Variants in SGCZ observed in about 807,000 individuals in gnomAD.
The protein encoded by SGCZ is zeta-sarcoglycan.
Under a neutral mutation model 41.3 loss-of-function variants are expected in SGCZ, and 40 were observed. The observed-to-expected ratio is 0.97, with a 90% confidence interval of 0.75 to 1.26. The LOEUF is 1.26. Ranked by LOEUF, SGCZ falls within the 50% of genes most tolerant of loss-of-function variation. SGCZ has a pLI of 0.00. For missense variants in SGCZ, 552 were observed against 369.8 expected, an observed-to-expected ratio of 1.49 and a Z score of -4.04; for synonymous variants, 206 against 137.5, an observed-to-expected ratio of 1.50 and a Z score of -3.49.
intron 4 of SGCZ, among the ~76,000 whole-genome samples, chr8:14,233,164 C>G (rs1806633032): frequency 2.0e-5 from 3 of 152,108 alleles, no homozygotes; most frequent in Admixed American, 6.5e-5. Flanking sequence ...AATTTATCCT[C>G]CTTTCATTTT....
chr8:14,191,878 T>G (rs1805114281), intron 4 of SGCZ, among the ~76,000 whole-genome samples: 2 of 152,116 alleles, frequency 1.3e-5, no homozygotes, highest in Non-Finnish European at 2.9e-5. Context: ...TCCTGTAGGA[T>G]TCCTCAACCT....
intron 4 of SGCZ, among the ~76,000 whole-genome samples, chr8:14,179,397 C>T (rs1221835995): frequency 6.6e-6 from 1 of 152,166 alleles, no homozygotes. Flanking sequence ...GCAGAAGATT[C>T]ACAAGACCAG....
chr8:15,212,142 C>G lies in SGCZ; in HGVS notation c.39+25443G>C, dbSNP rs80271478. Among the ~76,000 whole-genome samples, 1,100 of 152,176 alleles carry G rather than the reference C, an allele frequency of 7.2e-3. 20 individuals are homozygous for G. The highest frequency in any genetic ancestry group is 0.043 in the East Asian group (222 of 5,158). On this transcript the variant is annotated intron_variant, in intron 1 of 7. Transcript: ENST00000382080. Reference sequence around the variant, plus strand: ...AACGACTGCATGGATGCCTAAATAACAATATGTTCAAAATTAGTTCTAGGT... The same window carrying G: ...AACGACTGCATGGATGCCTAAATAAGAATATGTTCAAAATTAGTTCTAGGT...
rs528742484 is a variant in SGCZ at position 14,614,111 on chromosome 8, A to T, written c.40-59185T>A. 2.6e-3 allele frequency among the ~76,000 whole-genome samples: 398 copies of T among 152,274 alleles called. 1 individual carries two copies. Among genetic ancestry groups the T allele is most frequent in the Middle Eastern group, 0.014 (4 of 294 alleles). On this transcript the variant is annotated intron_variant, in intron 1 of 7. Coordinates refer to ENST00000382080, the MANE Select transcript of SGCZ (RefSeq NM_139167.4). ...CACTAGATTTAATCCTTCAGATTACATTACACTAAATTATGTCATCCAGAA... is the reference window on the plus strand; with the variant it reads ...CACTAGATTTAATCCTTCAGATTACTTTACACTAAATTATGTCATCCAGAA...
chr8:14,597,421 G>C (rs1805449009), intron 1 of SGCZ, among the ~76,000 whole-genome samples: 1 of 152,118 alleles, frequency 6.6e-6, no homozygotes, highest in African/African-American at 2.4e-5. Context: ...ATAGACACAA[G>C]TCTCTTTTCA....
chr8:14,988,311 C>T (rs1447677668), intron 1 of SGCZ, among the ~76,000 whole-genome samples: 1 of 151,942 alleles, frequency 6.6e-6, no homozygotes, highest in Non-Finnish European at 1.5e-5. Context: ...AAGTCACCCA[C>T]ATTCCCCATC....
chr8:14,636,985 A>C (rs1357430442), intron 1 of SGCZ, among the ~76,000 whole-genome samples: 4 of 151,892 alleles, frequency 2.6e-5, no homozygotes, highest in African/African-American at 9.7e-5. Context: ...TCTGTTTTCC[A>C]AAACACGACT....
chr8:14,247,922 T>C (rs1251574496), intron 3 of SGCZ, among the ~76,000 whole-genome samples: 5 of 152,158 alleles, frequency 3.3e-5, no homozygotes, highest in African/African-American at 1.2e-4. Flanking sequence ...GAAAGAAATG[T>C]ACAGCATATG....
intron 1 of SGCZ, among the ~76,000 whole-genome samples, chr8:14,923,754 T>C (rs1225301640): frequency 6.6e-6 from 1 of 152,236 alleles, no homozygotes; most frequent in Non-Finnish European, 1.5e-5. Context: ...TTGTTTATTT[T>C]TTAAATTCAT....
At chr8:14,227,285 T>C (rs146193919) in intron 4 of SGCZ, among the ~76,000 whole-genome samples, 2 of 152,068 alleles carry the variant, frequency 1.3e-5, no homozygotes, top group Admixed American at 6.6e-5. Context: ...AATTATGACA[T>C]GAGAAAAGGT....
chr8:14,316,579 T>C (rs1468956596), intron 3 of SGCZ, among the ~76,000 whole-genome samples: 1 of 151,978 alleles, frequency 6.6e-6, no homozygotes, highest in Non-Finnish European at 1.5e-5. Context: ...AGAGGCTGTT[T>C]TGCACTCTTT....
chr8:15,207,969 CTTTG>C (rs1407658877), intron 1 of SGCZ, among the ~76,000 whole-genome samples: 1 of 152,084 alleles, frequency 6.6e-6, no homozygotes, highest in Non-Finnish European at 1.5e-5. Flanking sequence ...CTGTCATTTC[CTTTG>C]TTTGCTTAGC....
At chr8:15,125,391 C>G (rs529732631) in intron 1 of SGCZ, among the ~76,000 whole-genome samples, 1 of 152,198 alleles carries the variant, frequency 6.6e-6, no homozygotes, top group Admixed American at 6.5e-5. Flanking sequence ...GGCCACTTTT[C>G]TACAAAAAGT....
At chr8:14,183,597 C>T (rs76996529) in intron 4 of SGCZ, among the ~76,000 whole-genome samples, 11 of 152,114 alleles carry the variant, frequency 7.2e-5, no homozygotes, top group East Asian at 1.9e-4. Flanking sequence ...AAAGAGAACA[C>T]GGAATATTAT....
intron 2 of SGCZ, among the ~76,000 whole-genome samples, chr8:14,442,045 G>A (rs1339517295): frequency 6.6e-6 from 1 of 152,168 alleles, no homozygotes; most frequent in Non-Finnish European, 1.5e-5. Flanking sequence ...ACTGCCCAAG[G>A]CCATAACCAG....
At chr8:14,718,075 A>T (rs544672095) in intron 1 of SGCZ, among the ~76,000 whole-genome samples, 1 of 151,310 alleles carries the variant, frequency 6.6e-6, no homozygotes, top group Admixed American at 6.6e-5. Flanking sequence ...TATCTTTGAA[A>T]ATCACTTTAT....
At chr8:14,133,654 C>CT (rs1803108743) in intron 5 of SGCZ, among the ~76,000 whole-genome samples, 2 of 152,098 alleles carry the variant, frequency 1.3e-5, no homozygotes, top group African/African-American at 4.8e-5. Flanking sequence ...TTTGAAGTCA[C>CT]TTTTTTACTA....
chr8:14,853,588 A>T lies in SGCZ; in HGVS notation c.40-298662T>A, dbSNP rs1803427470. ...AACAATACACATTGCAGGTTAAAAAAAAATTCAGTCACTGAAGTGGTTTGC... is the reference window on the plus strand; with the variant it reads ...AACAATACACATTGCAGGTTAAAAATAAATTCAGTCACTGAAGTGGTTTGC... On this transcript the variant is annotated intron_variant, in intron 1 of 7. Coordinates refer to ENST00000382080, the MANE Select transcript of SGCZ (RefSeq NM_139167.4). 4 of 448,708 alleles carry T rather than the reference A, an allele frequency of 8.9e-6. No individual in the cohort carries two copies. The Admixed American group carries it at 9.0e-5, about 10-fold the overall frequency. 27.8% of individuals were successfully genotyped at this position (448,708 alleles called of 1,614,324 possible).
At chr8:14,620,186 G>A (rs1177280580) in intron 1 of SGCZ, among the ~76,000 whole-genome samples, 1 of 151,960 alleles carries the variant, frequency 6.6e-6, no homozygotes, top group African/African-American at 2.4e-5. Flanking sequence ...CAAGAAATGG[G>A]GAAAGGATTC....
Sources: gnomAD v4.1 joint callset for allele counts (sites outside exome capture counted in the v4.1 genomes callset) on GRCh38, gnomAD v4.1.1 for gene constraint, MANE v1.5 for transcripts, NCBI Gene and HGNC (gene_info 2026-07-23, HGNC 2026-07-21) for gene names.